XIRP2: variants seen among roughly 807,000 people sequenced by gnomAD.
XIRP2 encodes the protein xin actin-binding repeat-containing protein 2.
In XIRP2, 236 loss-of-function variants were observed where a neutral mutation model predicts 277.0. That is an observed-to-expected ratio of 0.85 (90% CI 0.77 to 0.95). The LOEUF (loss-of-function observed/expected upper bound fraction) is 0.95. XIRP2 is among the 40% of genes least tolerant of loss of function. The pLI is 0.00. For missense variants in XIRP2, 4,640 were observed against 4,157.5 expected, an observed-to-expected ratio of 1.12 and a Z score of -3.19; for synonymous variants, 1,490 against 1,416.5, an observed-to-expected ratio of 1.05 and a Z score of -1.17.
chr2:166,996,790 G>A (rs1265690187), intron 2 of XIRP2, among the ~76,000 whole-genome samples: 1 of 151,968 alleles, frequency 6.6e-6, no homozygotes, highest in East Asian at 1.9e-4. Flanking sequence ...CCACTCCAGT[G>A]CACAACACAC....
intron 2 of XIRP2, 93 bp from the exon 3 acceptor site, chr2:167,135,816 C>T: frequency 8.3e-7 from 1 of 1,210,792 alleles, no homozygotes; most frequent in Admixed American, 2.8e-5. Context: ...GAAATCCCTC[C>T]CTCTTTCATT....
At chr2:167,025,308 TA>T (rs1411442482) in intron 2 of XIRP2, among the ~76,000 whole-genome samples, 1 of 152,174 alleles carries the variant, frequency 6.6e-6, no homozygotes, top group Non-Finnish European at 1.5e-5. Context: ...ATATCCCCTT[TA>T]TCATTTTTTA....
intron 5 of XIRP2, among the ~76,000 whole-genome samples, chr2:167,220,959 AT>A (rs1694407895): frequency 6.6e-6 from 1 of 152,200 alleles, no homozygotes; most frequent in Non-Finnish European, 1.5e-5. Context: ...GAATATTTGC[AT>A]GAATCTGGAG....
chr2:167,084,188 A>T (rs1237411117), intron 2 of XIRP2, among the ~76,000 whole-genome samples: 2 of 152,172 alleles, frequency 1.3e-5, no homozygotes, highest in African/African-American at 2.4e-5. Context: ...TTCTGCATCT[A>T]TTGAGATAAT....
intron 2 of XIRP2, among the ~76,000 whole-genome samples, chr2:166,999,538 G>T (rs564769879): frequency 6.6e-6 from 1 of 152,110 alleles, no homozygotes; most frequent in Admixed American, 6.5e-5. Flanking sequence ...TCCTAAACTT[G>T]ACTGATAAAT....
chr2:167,179,204 T>G (rs1692938303), intron 3 of XIRP2, among the ~76,000 whole-genome samples: 1 of 152,178 alleles, frequency 6.6e-6, no homozygotes, highest in Non-Finnish European at 1.5e-5. Context: ...AAATAATGTC[T>G]TTTTATACAA....
At chr2:167,083,513 G>C (rs963537369) in intron 2 of XIRP2, among the ~76,000 whole-genome samples, 4 of 152,198 alleles carry the variant, frequency 2.6e-5, no homozygotes, top group Admixed American at 2.0e-4. Context: ...GGATGGCATT[G>C]AATCTGTAAA....
At chr2:167,029,210 G>A (rs550133305) in intron 2 of XIRP2, among the ~76,000 whole-genome samples, 1 of 152,054 alleles carries the variant, frequency 6.6e-6, no homozygotes, top group African/African-American at 2.4e-5. Flanking sequence ...TCTTTCTGTT[G>A]CCTGATTGCC....
intron 5 of XIRP2, among the ~76,000 whole-genome samples, chr2:167,229,947 A>G (rs879705210): frequency 2.0e-5 from 3 of 152,028 alleles, no homozygotes; most frequent in Non-Finnish European, 4.4e-5. Context: ...CTGGGTATCT[A>G]CTTAGGCATG....
chr2:166,940,792 G>A (rs59660078), intron 2 of XIRP2, among the ~76,000 whole-genome samples: 52,976 of 151,968 alleles, frequency 0.35, 9,830 homozygotes, highest in East Asian at 0.57. Context: ...TTGCTGCCTG[G>A]TCATTCCTCT....
intron 2 of XIRP2, among the ~76,000 whole-genome samples, chr2:167,072,467 C>G (rs1043380669): frequency 1.3e-5 from 2 of 152,106 alleles, no homozygotes; most frequent in African/African-American, 2.4e-5. Context: ...AGGTCAAACC[C>G]CTTGATCCGC....
intron 2 of XIRP2, among the ~76,000 whole-genome samples, chr2:167,067,200 C>T (rs1689322577): frequency 1.3e-5 from 2 of 152,014 alleles, no homozygotes; most frequent in African/African-American, 4.8e-5. Flanking sequence ...TACCCAGTTA[C>T]TTGATGGTCT....
rs1461891118 is a variant in XIRP2, at chr2:167,258,973, G to A, written c.*1156G>A. The A allele has an allele frequency of 6.2e-7, 1 of 1,612,078 alleles. No homozygotes were observed. Among genetic ancestry groups the A allele is most frequent in the Non-Finnish European group, 8.5e-7 (1 of 1,179,112 alleles). On this transcript the variant is annotated 3_prime_UTR_variant, in exon 11 of 11. Coordinates refer to ENST00000409195, the MANE Select transcript of XIRP2 (RefSeq NM_152381.6). ...TCAGCAGAGGCCTTATGGTAAAGGGGGGAAGTTCAATCATCTCTCCTGATA... is the reference window on the plus strand; with the variant it reads ...TCAGCAGAGGCCTTATGGTAAAGGGAGGAAGTTCAATCATCTCTCCTGATA...
chr2:167,206,051 C>T (rs1693844454), intron 3 of XIRP2, among the ~76,000 whole-genome samples: 1 of 152,054 alleles, frequency 6.6e-6, no homozygotes, highest in African/African-American at 2.4e-5. Context: ...CTTTAGTGTT[C>T]GGCGTTGTAA....
At chr2:167,241,985 GAATAC>G in intron 8 of XIRP2, 75 bp downstream of exon 8, 1 of 1,452,032 alleles carries the variant, frequency 6.9e-7, no homozygotes, top group East Asian at 2.5e-5. Flanking sequence ...TCAAATTATT[GAATAC>G]TTGAGGTGGC....
At chr2:167,029,253 G>T (rs981739393) in intron 2 of XIRP2, among the ~76,000 whole-genome samples, 1 of 152,024 alleles carries the variant, frequency 6.6e-6, no homozygotes, top group African/African-American at 2.4e-5. Flanking sequence ...TGTTTAACAG[G>T]TGTGGTGAGA....
intron 6 of XIRP2, 28 bp from the exon 7 acceptor site, chr2:167,240,636 T>C (rs751118006): frequency 1.2e-6 from 2 of 1,602,012 alleles, no homozygotes; most frequent in Admixed American, 1.7e-5. Context: ...TTAAAAACAA[T>C]TTATTTTCAA....
intron 2 of XIRP2, among the ~76,000 whole-genome samples, chr2:166,937,294 T>G (rs190424747): frequency 1.3e-3 from 201 of 152,342 alleles, no homozygotes; most frequent in Non-Finnish European, 1.9e-3. Context: ...ATTTTTAGCA[T>G]GAAGGGCTAC....
At chr2:166,942,300 C>A (rs1430712033) in intron 2 of XIRP2, among the ~76,000 whole-genome samples, 1 of 152,128 alleles carries the variant, frequency 6.6e-6, no homozygotes, top group African/African-American at 2.4e-5. Flanking sequence ...ATAAGTTTAG[C>A]CTTGGAGTCA....
Sources: gnomAD v4.1 joint callset for allele counts (sites outside exome capture counted in the v4.1 genomes callset) on GRCh38, gnomAD v4.1.1 for gene constraint, MANE v1.5 for transcripts, NCBI Gene and HGNC (gene_info 2026-07-23, HGNC 2026-07-21) for gene names.